PREX2: variants seen among roughly 807,000 people sequenced by gnomAD.
PREX2 encodes the protein phosphatidylinositol 3,4,5-trisphosphate-dependent Rac exchanger 2 protein.
In PREX2, 107 loss-of-function variants were observed where a neutral mutation model predicts 203.2. The ratio of observed to expected loss-of-function variants is 0.53; its 90% CI spans 0.45 to 0.62. The LOEUF (loss-of-function observed/expected upper bound fraction) is 0.62. PREX2 is among the 20% of genes least tolerant of loss of function. The probability of loss-of-function intolerance (pLI) is 0.00; values close to 1 mark genes in which losing one functional copy is unlikely to be tolerated. For synonymous variants in PREX2, 672 were observed against 663.6 expected (o/e 1.01, Z -0.19); for missense variants, 1,777 against 1,955.9 (o/e 0.91, Z 1.72).
chr8:68,053,378 T>C, intron 9 of PREX2, 132 bp downstream of exon 9: 2 of 947,244 alleles, frequency 2.1e-6, no homozygotes, highest in Non-Finnish European at 1.6e-6. Context: ...GTGCAAAAGT[T>C]ATTGCAGTTT....
intron 4 of PREX2, among the ~76,000 whole-genome samples, chr8:68,026,918 A>G (rs1807733581): frequency 6.6e-6 from 1 of 151,998 alleles, no homozygotes; most frequent in South Asian, 2.1e-4. Flanking sequence ...TCCACCACTT[A>G]TCCATCCATT....
rs1462821829 is a variant in PREX2 at position 68,109,606 on chromosome 8, T to C, written c.3129T>C (p.Cys1043=). Residue 1043 remains cysteine (C), a synonymous_variant, in exon 25 of 40, where the codon TGT becomes TGC. Coordinates refer to ENST00000288368, the MANE Select transcript of PREX2 (RefSeq NM_024870.4). ...CTGCACTGAAAGAGGTGGAGATGTG[T>C]GTTTGTCAAATAGATGAGTAAGTGT... ...LQTALKEVEM[C]VCQIDDLLSS... is the part of the protein sequence containing the mutation. The C allele has an allele frequency of 1.2e-6, 2 of 1,613,878 alleles. No homozygotes were observed. The highest frequency in any genetic ancestry group is 2.2e-5 in the South Asian group (2 of 91,068).
At chr8:68,021,630 A>T (rs1807570202) in intron 3 of PREX2, among the ~76,000 whole-genome samples, 2 of 152,218 alleles carry the variant, frequency 1.3e-5, no homozygotes, top group African/African-American at 4.8e-5. Flanking sequence ...GGATTCATAT[A>T]CCTGGACCTT....
chr8:68,105,152 A>C lies in PREX2; in HGVS notation c.2716-2957A>C, dbSNP rs748845890. The C allele has an allele frequency of 3.7e-6, 5 of 1,367,780 alleles. No individual in the cohort carries two copies. In the South Asian group the frequency reaches 5.7e-5, roughly 16 times the overall value. The allele number at this position is 1,367,780 out of a possible 1,614,324, so 84.7% of individuals were successfully genotyped here. On this transcript the variant is annotated intron_variant, in intron 23 of 39. Coordinates refer to ENST00000288368, the MANE Select transcript of PREX2 (RefSeq NM_024870.4). The stretch of plus-strand genomic sequence containing the variant: ...CCATATTTTAGGTTCAAGCTTCAGA[A>C]AGGTTTTACAATTTCACAGCACGGC...
At chr8:68,023,798 T>C (rs1303688288) in intron 4 of PREX2, among the ~76,000 whole-genome samples, 1 of 152,104 alleles carries the variant, frequency 6.6e-6, no homozygotes, top group African/African-American at 2.4e-5. Flanking sequence ...TATATGGAAA[T>C]TTAACTGGCT....
intron 13 of PREX2, among the ~76,000 whole-genome samples, chr8:68,071,278 T>C (rs1227509970): frequency 6.6e-6 from 1 of 152,116 alleles, no homozygotes; most frequent in Admixed American, 6.6e-5. Context: ...ACAGAAGGAA[T>C]GTATGATAGT....
chr8:68,136,517 A>G (rs1263562297), intron 32 of PREX2, among the ~76,000 whole-genome samples: 1 of 152,146 alleles, frequency 6.6e-6, no homozygotes, highest in Non-Finnish European at 1.5e-5. Flanking sequence ...GTTTGCTGGA[A>G]CACCATGGCT....
In PREX2 at chr8:68,233,664, C is replaced by T. The variant is rs1813212296; in HGVS notation, c.*2286C>T. On this transcript the variant is annotated 3_prime_UTR_variant, in exon 40 of 40. Transcript: ENST00000288368. ...CTTTGCCTGTATTCTGTTGTTATTG[C>T]TTCACTTAATCCTCATAATAATGAC... The T allele has an allele frequency of 6.6e-6, 1 of 152,254 alleles. No homozygotes were observed. The highest frequency in any genetic ancestry group is 1.9e-4 in the East Asian group (1 of 5,186). 9.4% of individuals were successfully genotyped at this position (152,254 alleles called of 1,614,324 possible). A position where few individuals can be genotyped will look rare whatever the true frequency, so the allele number is the denominator to read the frequency against.
intron 1 of PREX2, among the ~76,000 whole-genome samples, chr8:67,954,502 C>T (rs1273628287): frequency 6.6e-6 from 1 of 152,152 alleles, no homozygotes; most frequent in African/African-American, 2.4e-5. Context: ...CTAATATGTA[C>T]CAAGAGCTTT....
intron 21 of PREX2, among the ~76,000 whole-genome samples, chr8:68,096,608 A>G (rs1426990307): frequency 2.6e-5 from 4 of 152,180 alleles, no homozygotes; most frequent in East Asian, 1.9e-4. Context: ...TGCTTCTTCA[A>G]TATGGCCTTC....
chr8:68,066,748 T>C (rs1809026279), intron 11 of PREX2, among the ~76,000 whole-genome samples: 1 of 152,118 alleles, frequency 6.6e-6, no homozygotes, highest in Non-Finnish European at 1.5e-5. Context: ...TTTTTATTTG[T>C]CTATTTTTGC....
Position 67,952,359 on chromosome 8 carries a change from CGGCGGGCAG to C in PREX2, c.-35_-27del, listed in dbSNP as rs1444457264. 6.7e-7 allele frequency: 1 copy of C among 1,485,996 alleles called. No homozygotes were observed. The highest frequency in any genetic ancestry group is 2.8e-5 in the East Asian group (1 of 35,356). The allele number at this position is 1,485,996 out of a possible 1,614,324, so 92.1% of individuals were successfully genotyped here. A position where few individuals can be genotyped will look rare whatever the true frequency, so the allele number is the denominator to read the frequency against. Reference sequence around the variant, plus strand: ...CGGGCGCGCGGGTCAGCGCTCAGCACGGCGGGCAGCGCCGCGCTGCGCACCGCCGCCGAC... The same window carrying C: ...CGGGCGCGCGGGTCAGCGCTCAGCACCGCCGCGCTGCGCACCGCCGCCGAC... On this transcript the variant is annotated 5_prime_UTR_variant, in exon 1 of 40. Coordinates refer to ENST00000288368, the MANE Select transcript of PREX2 (RefSeq NM_024870.4).
chr8:68,143,312 T>G (rs1249159569), intron 33 of PREX2, among the ~76,000 whole-genome samples: 1 of 152,066 alleles, frequency 6.6e-6, no homozygotes, highest in African/African-American at 2.4e-5. Flanking sequence ...GATCTGGTTG[T>G]TTAAAAGTGT....
At chr8:68,067,307 G>C (rs534715618) in intron 11 of PREX2, among the ~76,000 whole-genome samples, 1 of 152,176 alleles carries the variant, frequency 6.6e-6, no homozygotes, top group South Asian at 2.1e-4. Context: ...AGACAGCTTT[G>C]AGTAGCAGGG....
intron 37 of PREX2, among the ~76,000 whole-genome samples, chr8:68,215,817 G>A (rs571580879): frequency 8.5e-5 from 13 of 152,254 alleles, no homozygotes; most frequent in South Asian, 4.1e-4. Context: ...GATTACAGGC[G>A]TGAGCCACCG....
intron 23 of PREX2, among the ~76,000 whole-genome samples, chr8:68,104,026 C>T (rs1294548241): frequency 1.3e-5 from 2 of 152,358 alleles, no homozygotes; most frequent in East Asian, 3.9e-4. Context: ...CACCCCAGTG[C>T]TCCTGCAGTT....
intron 4 of PREX2, among the ~76,000 whole-genome samples, 164 bp downstream of exon 4, chr8:68,022,304 G>T (rs1807593323): frequency 6.6e-6 from 1 of 152,084 alleles, no homozygotes. Flanking sequence ...TGAGAGCTGG[G>T]ATCAGCTTGT....
intron 21 of PREX2, among the ~76,000 whole-genome samples, chr8:68,096,769 G>A (rs1233132386): frequency 6.6e-6 from 1 of 152,168 alleles, no homozygotes; most frequent in African/African-American, 2.4e-5. Context: ...ATGGTCCACA[G>A]ATTGAAGTAG....
chr8:68,106,286 T>C (rs758272074), intron 23 of PREX2: 59 of 506,402 alleles, frequency 1.2e-4, no homozygotes, highest in Middle Eastern at 3.2e-4. Context: ...AAAGAACTTT[T>C]GACTGAAAGT....
Sources: allele counts gnomAD v4.1 joint callset (sites outside exome capture counted in the v4.1 genomes callset), GRCh38; gene constraint gnomAD v4.1.1; transcripts MANE v1.5; gene names NCBI Gene and HGNC (gene_info 2026-07-23, HGNC 2026-07-21).